Variants in CCBE1 observed in about 807,000 individuals in gnomAD.
CCBE1 encodes collagen and calcium-binding EGF domain-containing protein 1.
A neutral mutation model predicts 50.0 loss-of-function variants in CCBE1; 37 were observed. The observed-to-expected ratio is 0.74, with a 90% CI of 0.57 to 0.97. The LOEUF (loss-of-function observed/expected upper bound fraction) is 0.97. Ranked by LOEUF, CCBE1 falls within the 50% of genes least tolerant of loss-of-function variation. The probability of loss-of-function intolerance (pLI) is 0.00; values close to 1 mark genes in which losing one functional copy is unlikely to be tolerated. For synonymous variants in CCBE1, 234 were observed against 203.7 expected (o/e 1.15, Z -1.27); for missense variants, 538 against 523.8 (o/e 1.03, Z -0.26).
chr18:59,523,013 A>AAAAAAAAAAAAAAAAAAAAAAAAAAC (rs1914673109), intron 2 of CCBE1, among the ~76,000 whole-genome samples: 1 of 150,240 alleles, frequency 6.7e-6, no homozygotes, highest in Non-Finnish European at 1.5e-5. Flanking sequence ...AAAAAAAAAA[A>AAAAAAAAAAAAAAAAAAAAAAAAAAC]TTCTCAATGT....
intron 2 of CCBE1, among the ~76,000 whole-genome samples, chr18:59,583,642 G>A (rs1237809405): frequency 2.7e-5 from 4 of 150,490 alleles, no homozygotes; most frequent in Non-Finnish European, 5.9e-5. Context: ...GCCTTACCCT[G>A]TCACTGCTTT....
At chr18:59,447,739 T>C (rs1330582470) in intron 7 of CCBE1, among the ~76,000 whole-genome samples, 1 of 152,234 alleles carries the variant, frequency 6.6e-6, no homozygotes, top group South Asian at 2.1e-4. Flanking sequence ...TCTTTAGGAA[T>C]CTTATCCAAT....
At chr18:59,521,814 G>A (rs1487061447) in intron 2 of CCBE1, among the ~76,000 whole-genome samples, 1 of 152,238 alleles carries the variant, frequency 6.6e-6, no homozygotes, top group East Asian at 1.9e-4. Flanking sequence ...TGAACTTGGT[G>A]GACATCGACA....
chr18:59,677,527 A>C (rs984545054), intron 2 of CCBE1, among the ~76,000 whole-genome samples: 7 of 152,186 alleles, frequency 4.6e-5, no homozygotes, highest in Non-Finnish European at 8.8e-5. Flanking sequence ...CTCAGGAAAG[A>C]ACTAGTCTAT....
chr18:59,532,289 C>T (rs112717432), intron 2 of CCBE1, among the ~76,000 whole-genome samples: 1 of 152,154 alleles, frequency 6.6e-6, no homozygotes. Context: ...AGGTGATCTG[C>T]CTGTCTCAGC....
chr18:59,511,969 G>A (rs1254768818), intron 2 of CCBE1, among the ~76,000 whole-genome samples: 1 of 152,164 alleles, frequency 6.6e-6, no homozygotes, highest in Non-Finnish European at 1.5e-5. Flanking sequence ...TTGTTCACAT[G>A]AGGCTCATGT....
chr18:59,514,761 T>C (rs1251270853), intron 2 of CCBE1, among the ~76,000 whole-genome samples: 1 of 152,052 alleles, frequency 6.6e-6, no homozygotes, highest in Admixed American at 6.5e-5. Flanking sequence ...AGAATGCCTT[T>C]CCAATCACTA....
rs1410957215 is a variant in CCBE1, at chr18:59,432,263, T to C, written c.*3645A>G. 1.3e-5 allele frequency: 2 copies of C among 152,176 alleles called. No homozygotes were observed. Among genetic ancestry groups the C allele is most frequent in the Non-Finnish European group, 2.9e-5 (2 of 68,052 alleles). 9.4% of individuals were successfully genotyped at this position (152,176 alleles called of 1,614,324 possible). A position where few individuals can be genotyped will look rare whatever the true frequency, so the allele number is the denominator to read the frequency against. On this transcript the variant is annotated 3_prime_UTR_variant, in exon 11 of 11. Coordinates refer to ENST00000439986, the MANE Select transcript of CCBE1 (RefSeq NM_133459.4). ...GGCATAACCACTGTGCCTGGCCCCATGCACTATTTTCAACAGCATATTTTT... is the reference window on the plus strand; with the variant it reads ...GGCATAACCACTGTGCCTGGCCCCACGCACTATTTTCAACAGCATATTTTT...
intron 2 of CCBE1, among the ~76,000 whole-genome samples, chr18:59,510,820 GCATA>G (rs1284601477): frequency 1.3e-5 from 2 of 152,208 alleles, no homozygotes; most frequent in Admixed American, 6.5e-5. Flanking sequence ...TTGCATGCAT[GCATA>G]AAGAAACATA....
At chr18:59,696,531 G>T in intron 2 of CCBE1, 98 bp downstream of exon 2, 2 of 1,589,542 alleles carry the variant, frequency 1.3e-6, no homozygotes, top group African/African-American at 1.3e-5. Context: ...AAGCTGCTCC[G>T]GTCCCAAGCG....
chr18:59,578,448 T>G (rs1205502085), intron 2 of CCBE1, among the ~76,000 whole-genome samples: 1 of 152,162 alleles, frequency 6.6e-6, no homozygotes, highest in Non-Finnish European at 1.5e-5. Flanking sequence ...CATTACTGGG[T>G]ATATACCCAA....
At chr18:59,657,427 C>A (rs553902030) in intron 2 of CCBE1, among the ~76,000 whole-genome samples, 1 of 152,356 alleles carries the variant, frequency 6.6e-6, no homozygotes, top group South Asian at 2.1e-4. Flanking sequence ...TGTATCCAAC[C>A]CTGACAGGGC....
intron 5 of CCBE1, among the ~76,000 whole-genome samples, chr18:59,462,955 T>C (rs77788129): frequency 0.047 from 7,129 of 152,302 alleles, 241 homozygotes; most frequent in East Asian, 0.072. Flanking sequence ...GATCCTCTAA[T>C]ATTACTACTG....
rs138420335 is a variant in CCBE1, at chr18:59,463,248, C to T, written c.553+3491G>A. ...GAAGGTTGGAGGCACAGGTGACTGT[C>T]TCTCACCAGGGCAGACCTTGTCACT... On this transcript the variant is annotated intron_variant, in intron 5 of 10. Coordinates refer to ENST00000439986, the MANE Select transcript of CCBE1 (RefSeq NM_133459.4). 4.0e-3 allele frequency among the ~76,000 whole-genome samples: 612 copies of T among 152,332 alleles called. 1 individual carries two copies. Among genetic ancestry groups the T allele is most frequent in the Non-Finnish European group, 6.9e-3 (470 of 68,034 alleles).
chr18:59,599,432 T>G (rs1199648913), intron 2 of CCBE1, among the ~76,000 whole-genome samples: 1 of 152,216 alleles, frequency 6.6e-6, no homozygotes, highest in East Asian at 1.9e-4. Flanking sequence ...AAACAGAAGC[T>G]GCCCTGAATT....
At chr18:59,694,643 A>G (rs933403421) in intron 2 of CCBE1, among the ~76,000 whole-genome samples, 7 of 152,226 alleles carry the variant, frequency 4.6e-5, no homozygotes, top group African/African-American at 1.7e-4. Flanking sequence ...TGGTTTCCAG[A>G]TGATACTTGA....
rs2054161233 is a variant in CCBE1 at position 59,654,443 on chromosome 18, T to C, written c.212+42186A>G. Among the ~76,000 whole-genome samples, 12 of 152,184 alleles carry C rather than the reference T, an allele frequency of 7.9e-5. No homozygotes were observed. In the South Asian group the frequency reaches 2.3e-3, roughly 29 times the overall value. On this transcript the variant is annotated intron_variant, in intron 2 of 10. Transcript: ENST00000439986. The stretch of plus-strand genomic sequence containing the variant: ...GAGTTCGAAACAAGCCTGGCCAACA[T>C]GGCAAAACCCCGTCTACTAAAAACA...
intron 2 of CCBE1, among the ~76,000 whole-genome samples, chr18:59,592,804 C>A (rs1343975020): frequency 2.6e-5 from 4 of 152,046 alleles, no homozygotes; most frequent in Non-Finnish European, 4.4e-5. Flanking sequence ...GCTCAAATAT[C>A]ACCTGCATAA....
intron 2 of CCBE1, among the ~76,000 whole-genome samples, chr18:59,510,277 G>A (rs1393442742): frequency 6.6e-6 from 1 of 152,164 alleles, no homozygotes; most frequent in Non-Finnish European, 1.5e-5. Flanking sequence ...GGAGCAGGGT[G>A]CTATGTTTAT....
Sources: gnomAD v4.1 joint callset for allele counts (sites outside exome capture counted in the v4.1 genomes callset) on GRCh38, gnomAD v4.1.1 for gene constraint, MANE v1.5 for transcripts, NCBI Gene and HGNC (gene_info 2026-07-23, HGNC 2026-07-21) for gene names.